Variants in VPS13D observed in about 807,000 individuals in gnomAD.
VPS13D encodes vacuolar protein sorting 13 homolog D.
In VPS13D, 187 loss-of-function variants were observed where a neutral mutation model predicts 461.9. The observed-to-expected ratio is 0.40, with a 90% CI of 0.36 to 0.46. The LOEUF is 0.46. Ranked by LOEUF, VPS13D falls within the 20% of genes least tolerant of loss-of-function variation. The pLI, the probability that VPS13D is intolerant of heterozygous loss-of-function variation, is 0.60. For synonymous variants in VPS13D, 1,951 were observed against 1,986.3 expected (o/e 0.98, Z 0.47); for missense variants, 4,711 against 5,364.9 (o/e 0.88, Z 3.81).
chr1:12,469,607 TG>T (rs1169685228), intron 67 of VPS13D, among the ~76,000 whole-genome samples: 1 of 152,216 alleles, frequency 6.6e-6, no homozygotes, highest in Non-Finnish European at 1.5e-5. Flanking sequence ...TCGGCAATGA[TG>T]GGCTAATTCG....
At chr1:12,397,226 G>A (rs1218919193) in intron 60 of VPS13D, among the ~76,000 whole-genome samples, 1 of 152,204 alleles carries the variant, frequency 6.6e-6, no homozygotes, top group East Asian at 1.9e-4. Flanking sequence ...GAGCCACCAC[G>A]CCTGGCCAAA....
chr1:12,393,553 G>A (rs1644455955), intron 60 of VPS13D, among the ~76,000 whole-genome samples: 2 of 152,336 alleles, frequency 1.3e-5, no homozygotes, highest in Non-Finnish European at 2.9e-5. Context: ...ATAATCCACT[G>A]TTATTCTCCA....
At chr1:12,369,354 T>G in intron 53 of VPS13D, 113 bp from the exon 54 acceptor site, 2 of 899,508 alleles carry the variant, frequency 2.2e-6, no homozygotes, top group Non-Finnish European at 3.5e-6. Flanking sequence ...TTATTTCCTG[T>G]GTAAGATTCA....
At chr1:12,302,965 T>C (rs1642466589) in intron 25 of VPS13D, among the ~76,000 whole-genome samples, 1 of 151,950 alleles carries the variant, frequency 6.6e-6, no homozygotes, top group African/African-American at 2.4e-5. Flanking sequence ...CTGTTTGGAG[T>C]GTGTTGCTTG....
intron 3 of VPS13D, 113 bp from the exon 4 acceptor site, chr1:12,244,133 A>G: frequency 9.1e-7 from 1 of 1,101,308 alleles, no homozygotes; most frequent in East Asian, 2.6e-5. Context: ...TTTAAATAAA[A>G]AAAAGTAGTA....
chr1:12,309,807 G>A (rs2101491211), intron 27 of VPS13D, among the ~76,000 whole-genome samples: 1 of 150,144 alleles, frequency 6.7e-6, no homozygotes, highest in Admixed American at 6.6e-5. Context: ...TTTATTATTT[G>A]TATAGAGCAT....
chr1:12,464,016 G>A (rs1177234651), intron 67 of VPS13D, among the ~76,000 whole-genome samples: 1 of 152,232 alleles, frequency 6.6e-6, no homozygotes, highest in Admixed American at 6.5e-5. Context: ...TATTAAAGGA[G>A]CGCAGAGATC....
At position 12,259,747 on chromosome 1, in the gene VPS13D, G is replaced by A. The variant is rs146258783; in HGVS notation, c.1111-946G>A. Among the ~76,000 whole-genome samples, 516 of 152,224 alleles carry A rather than the reference G, an allele frequency of 3.4e-3. 2 individuals carry two copies. The highest frequency in any genetic ancestry group is 6.0e-3 in the Non-Finnish European group (409 of 68,010). On this transcript the variant is annotated intron_variant, in intron 10 of 69. Transcript: ENST00000620676. ...GAAGCAGTTCAGGACAGCTAATTCC[G>A]CTTTTAAAAAATGTAGCTGGGTATC... is the stretch of plus-strand genomic sequence containing the variant.
chr1:12,372,800 C>G (rs979185591), intron 54 of VPS13D, among the ~76,000 whole-genome samples: 19 of 126,776 alleles, frequency 1.5e-4, no homozygotes, highest in Admixed American at 1.3e-3. Context: ...AATCCATTAC[C>G]TTTTTTTTTT....
chr1:12,255,060 C>T (rs1435661821), intron 7 of VPS13D, among the ~76,000 whole-genome samples: 3 of 152,056 alleles, frequency 2.0e-5, no homozygotes, highest in Non-Finnish European at 2.9e-5. Flanking sequence ...ATTCTCCTGC[C>T]TCAGCCTCCT....
chr1:12,364,406 G>C (rs775981931), intron 52 of VPS13D, among the ~76,000 whole-genome samples: 15 of 152,138 alleles, frequency 9.9e-5, no homozygotes, highest in Non-Finnish European at 1.9e-4. Flanking sequence ...ATGAACACTT[G>C]GGTTGCTTCC....
chr1:12,499,285 C>T (rs1373403605), intron 68 of VPS13D, among the ~76,000 whole-genome samples: 3 of 152,134 alleles, frequency 2.0e-5, no homozygotes, highest in African/African-American at 7.2e-5. Flanking sequence ...CTAATAGGTA[C>T]CCAGTACATA....
intron 32 of VPS13D, among the ~76,000 whole-genome samples, chr1:12,320,813 G>A (rs1353833487): frequency 6.6e-6 from 1 of 152,190 alleles, no homozygotes; most frequent in African/African-American, 2.4e-5. Flanking sequence ...CAACTACATG[G>A]CAAAATATTT....
In VPS13D at chr1:12,277,389, T is replaced by A. The variant is rs1369608951; in HGVS notation, c.3801T>A (p.Thr1267=). The A allele has an allele frequency of 1.9e-6, 3 of 1,614,236 alleles. No homozygotes were observed. The highest frequency in any genetic ancestry group is 2.5e-6 in the Non-Finnish European group (3 of 1,180,044). ...TCAGAATGGAAGATGCAGCCCTCAC[T>A]GAAGCTTTGAGTTTCACGTTTGTTG... The part of the protein sequence containing the change: ...VFVRMEDAAL[T]EALSFTFVER... Residue 1267 remains threonine, a synonymous_variant, in exon 19 of 70, where the codon ACT becomes ACA. Transcript: ENST00000620676.
rs764424386 is a variant in VPS13D at position 12,497,545 on chromosome 1, C to T, written c.12708C>T (p.Pro4236=). 5 of 1,613,944 alleles carry T rather than the reference C, an allele frequency of 3.1e-6. No individual in the cohort carries two copies. The South Asian group carries it at 3.3e-5, about 11-fold the overall frequency. The change falls in exon 68 of 70, where the codon CCC becomes CCT. Residue 4236 remains proline, a synonymous_variant. Coordinates refer to ENST00000620676, the MANE Select transcript of VPS13D (RefSeq NM_015378.4). ...GGAAACCGCGTTGCTGCACGGGGCC[C>T]CAGGGGCTGCTTCCCCGATATTCTG... The part of the protein sequence containing the change: ...RVRKPRCCTG[P]QGLLPRYSES...
At position 12,481,212 on chromosome 1, in the gene VPS13D, G is replaced by A. The variant is rs946152674; in HGVS notation, c.12663-16288G>A. Among the ~76,000 whole-genome samples the A allele has an allele frequency of 2.2e-4, 33 of 152,184 alleles. 1 individual carries two copies. The highest frequency in any genetic ancestry group is 7.5e-4 in the African/African-American group (31 of 41,430). ...AGAGGCACGGGGAGGCCCAGGCAGG[G>A]GCCCAGGGCCTGCTGCTGATCAGTT... is the stretch of plus-strand genomic sequence containing the variant. On this transcript the variant is annotated intron_variant, in intron 67 of 69. Coordinates refer to ENST00000620676, the MANE Select transcript of VPS13D (RefSeq NM_015378.4).
chr1:12,255,529 G>GAC (rs2101259088), intron 7 of VPS13D, among the ~76,000 whole-genome samples: 1 of 152,228 alleles, frequency 6.6e-6, no homozygotes, highest in Admixed American at 6.5e-5. Context: ...TGGGGGATGA[G>GAC]ACTAGGAAAG....
In VPS13D at chr1:12,318,081, G is replaced by A. The variant is rs1381076695; in HGVS notation, c.7158G>A (p.Lys2386=). The A allele has an allele frequency of 6.2e-7, 1 of 1,610,044 alleles. No individual in the cohort carries two copies. The highest frequency in any genetic ancestry group is 8.5e-7 in the Non-Finnish European group (1 of 1,176,970). ...IQIELHFRST[K]DSSCFTVVLN... ...TGTCTTCTTTTTATAGATCTACCAA[G>A]GATTCCTCCTGCTTTACAGTAGTTC... The change falls in exon 31 of 70, where the codon AAG becomes AAA. Residue 2386 remains lysine, a synonymous_variant. Coordinates refer to ENST00000620676, the MANE Select transcript of VPS13D (RefSeq NM_015378.4).
In VPS13D at chr1:12,256,372, T is replaced by G; in HGVS notation, c.709T>G (p.Tyr237Asp). The G allele has an allele frequency of 3.7e-6, 6 of 1,614,060 alleles. No individual in the cohort carries two copies. Among genetic ancestry groups the G allele is most frequent in the Non-Finnish European group, 5.1e-6 (6 of 1,180,022 alleles). The change falls in exon 8 of 70, where the codon TAC (tyrosine) becomes GAC (aspartate). Residue 237 changes from tyrosine to aspartate, a missense_variant. Physicochemically the swap from Tyr to Asp is radical, Grantham distance 160. Around this residue, in one of 3 missense-constraint regions of VPS13D, gnomAD observed 4,411 missense variants for 4,937.8 expected, o/e 0.89. Transcript: ENST00000620676. ...GAGCATGGAGAGTCGCAGCCATCAC[T>G]ACGTCCTGGAGCCTGTGTTTGCATC... ...ARSMESRSHH[Y>D]VLEPVFASAL...
Sources: allele counts gnomAD v4.1 joint callset (sites outside exome capture counted in the v4.1 genomes callset), GRCh38; gene constraint gnomAD v4.1.1; regional missense constraint gnomAD v4.1.1; transcripts MANE v1.5; gene names NCBI Gene and HGNC (gene_info 2026-07-23, HGNC 2026-07-21).